The following UNC5C variants were observed in gnomAD, a reference collection of about 807,000 sequenced individuals.
The protein encoded by UNC5C is netrin receptor UNC5C.
UNC5C carries 47 observed loss-of-function variants against 99.8 expected under a neutral mutation model. The ratio of observed to expected loss-of-function variants is 0.47; its 90% confidence interval spans 0.37 to 0.60. The LOEUF (loss-of-function observed/expected upper bound fraction) is 0.60. Among genes scored for constraint, UNC5C ranks in the 20% least tolerant of loss-of-function variants. The pLI, the probability that UNC5C is intolerant of heterozygous loss-of-function variation, is 0.00. For synonymous variants in UNC5C, 487 were observed against 452.2 expected (o/e 1.08, Z -0.98); for missense variants, 1,062 against 1,165.9 (o/e 0.91, Z 1.30).
chr4:95,365,537 C>G (rs1219798333), intron 1 of UNC5C, among the ~76,000 whole-genome samples: 1 of 150,266 alleles, frequency 6.7e-6, no homozygotes, highest in African/African-American at 2.4e-5. Context: ...ACAATAATAC[C>G]CTTACTGAAA....
At chr4:95,421,571 G>T (rs963756642) in intron 1 of UNC5C, among the ~76,000 whole-genome samples, 17 of 150,576 alleles carry the variant, frequency 1.1e-4, no homozygotes, top group African/African-American at 4.2e-4. Context: ...ACAAGAATCA[G>T]AATGTTAAAA....
At chr4:95,248,524 A>G (rs1739581473) in intron 5 of UNC5C, 2 of 456,022 alleles carry the variant, frequency 4.4e-6, no homozygotes, top group South Asian at 3.1e-5. Context: ...TCCTTCTGGT[A>G]TAGGGAAGCC....
At chr4:95,498,081 T>A (rs1488398618) in intron 1 of UNC5C, among the ~76,000 whole-genome samples, 2 of 151,960 alleles carry the variant, frequency 1.3e-5, no homozygotes, top group Non-Finnish European at 2.9e-5. Context: ...GGGATAATAA[T>A]AAGTAGCTTT....
chr4:95,469,071 T>G (rs1747886482), intron 1 of UNC5C, among the ~76,000 whole-genome samples: 1 of 152,136 alleles, frequency 6.6e-6, no homozygotes, highest in African/African-American at 2.4e-5. Flanking sequence ...TGACTGCATT[T>G]GCGTGAAAAA....
intron 1 of UNC5C, among the ~76,000 whole-genome samples, chr4:95,495,710 T>TA (rs1342456636): frequency 2.0e-5 from 3 of 151,654 alleles, no homozygotes; most frequent in Non-Finnish European, 4.4e-5. Flanking sequence ...ATCTAGGATT[T>TA]AAAATCCCAT....
intron 12 of UNC5C, among the ~76,000 whole-genome samples, chr4:95,198,558 T>C (rs1443015214): frequency 1.6e-5 from 1 of 61,838 alleles, no homozygotes; most frequent in East Asian, 3.2e-4. Context: ...GGGAATAAAA[T>C]GGATGGAAAG....
chr4:95,185,623 C>T (rs570116026), intron 12 of UNC5C, among the ~76,000 whole-genome samples: 1 of 152,216 alleles, frequency 6.6e-6, no homozygotes, highest in South Asian at 2.1e-4. Context: ...GGACAAATAA[C>T]TAGAAGAGAT....
chr4:95,504,450 T>C (rs1026200243), intron 1 of UNC5C, among the ~76,000 whole-genome samples: 2 of 152,170 alleles, frequency 1.3e-5, no homozygotes, highest in African/African-American at 2.4e-5. Flanking sequence ...AAAGAACATA[T>C]ATATGTGTTA....
Position 95,166,837 on chromosome 4 carries a change from A to T in UNC5C, c.*2397T>A, listed in dbSNP as rs1041850522. On this transcript the variant is annotated 3_prime_UTR_variant, in exon 16 of 16. Coordinates refer to ENST00000453304, the MANE Select transcript of UNC5C (RefSeq NM_003728.4). The stretch of plus-strand genomic sequence containing the variant: ...GTATAACTGCGTGTATATATATTTG[A>T]TTTTTAATTTAGAATACAGTTTTAC... The T allele has an allele frequency of 1.3e-5, 2 of 152,088 alleles. No homozygotes were observed. Among genetic ancestry groups the T allele is most frequent in the Non-Finnish European group, 2.9e-5 (2 of 67,994 alleles). The allele number at this position is 152,088 out of a possible 1,614,324, so 9.4% of individuals were successfully genotyped here.
chr4:95,214,604 G>C (rs1738184331), intron 10 of UNC5C, among the ~76,000 whole-genome samples: 1 of 152,238 alleles, frequency 6.6e-6, no homozygotes, highest in Non-Finnish European at 1.5e-5. Context: ...CGTGCCTGCA[G>C]CAGCCCCTTA....
At chr4:95,541,432 G>T (rs1489797246) in intron 1 of UNC5C, among the ~76,000 whole-genome samples, 2 of 152,026 alleles carry the variant, frequency 1.3e-5, no homozygotes, top group East Asian at 3.9e-4. Flanking sequence ...TGGGGGTCTT[G>T]GAAAGTATCT....
At chr4:95,395,368 T>G (rs1745481447) in intron 1 of UNC5C, among the ~76,000 whole-genome samples, 1 of 152,200 alleles carries the variant, frequency 6.6e-6, no homozygotes, top group Non-Finnish European at 1.5e-5. Context: ...ATCAAAGCAT[T>G]ATTAACTTTA....
chr4:95,331,962 C>A lies in UNC5C; in HGVS notation c.346+3448G>T, dbSNP rs571856818. Among the ~76,000 whole-genome samples, 126 of 152,166 alleles carry A rather than the reference C, an allele frequency of 8.3e-4. No individual in the cohort carries two copies. In the Middle Eastern group the frequency reaches 0.01, roughly 12 times the overall value. On this transcript the variant is annotated intron_variant, in intron 2 of 15. Coordinates refer to ENST00000453304, the MANE Select transcript of UNC5C (RefSeq NM_003728.4). ...GAGAGCCAAATCATGAGTGAACTCC[C>A]ATTCACAATTGCTTCAAAGAGAATA...
Position 95,406,116 on chromosome 4 carries a change from C to T in UNC5C, c.125-70485G>A, listed in dbSNP as rs563920187. 1.1e-4 allele frequency among the ~76,000 whole-genome samples: 16 copies of T among 152,150 alleles called. No homozygotes were observed. The South Asian group carries it at 1.5e-3, about 14-fold the overall frequency. The stretch of plus-strand genomic sequence containing the variant: ...AATTGAGATCACTGCTTTAATGTCA[C>T]GAGGACTGAAAAAAACAGGAACAAA... On this transcript the variant is annotated intron_variant, in intron 1 of 15. Transcript: ENST00000453304.
intron 4 of UNC5C, among the ~76,000 whole-genome samples, chr4:95,258,406 G>C (rs1252606665): frequency 6.6e-6 from 1 of 152,056 alleles, no homozygotes; most frequent in Non-Finnish European, 1.5e-5. Flanking sequence ...TTCTGAGTTA[G>C]AAATTATTTT....
intron 4 of UNC5C, among the ~76,000 whole-genome samples, chr4:95,270,621 A>G (rs933756799): frequency 5.9e-5 from 9 of 152,248 alleles, no homozygotes; most frequent in African/African-American, 2.2e-4. Flanking sequence ...TGCAGAGGTG[A>G]ACTTGTCTTG....
intron 2 of UNC5C, among the ~76,000 whole-genome samples, chr4:95,304,691 T>C (rs547713444): frequency 6.6e-5 from 10 of 152,316 alleles, no homozygotes; most frequent in Non-Finnish European, 1.0e-4. Context: ...TTAAGATTAC[T>C]GTAGTAACTT....
intron 10 of UNC5C, among the ~76,000 whole-genome samples, chr4:95,208,558 C>T (rs1737961941): frequency 6.6e-6 from 1 of 152,114 alleles, no homozygotes; most frequent in Non-Finnish European, 1.5e-5. Context: ...CTTTTCTCCT[C>T]CCTAAATCTG....
intron 14 of UNC5C, 131 bp downstream of exon 14, chr4:95,182,766 C>T (rs983550712): frequency 3.2e-6 from 3 of 934,538 alleles, no homozygotes; most frequent in Non-Finnish European, 4.5e-6. Flanking sequence ...ATTCTATTAA[C>T]AAATAGGATC....
Sources: gnomAD v4.1 joint callset for allele counts (sites outside exome capture counted in the v4.1 genomes callset) on GRCh38, gnomAD v4.1.1 for gene constraint, MANE v1.5 for transcripts, NCBI Gene and HGNC (gene_info 2026-07-23, HGNC 2026-07-21) for gene names.